SYCP2: variants seen among roughly 807,000 people sequenced by gnomAD.
The protein encoded by SYCP2 is synaptonemal complex lateral element protein.
A neutral mutation model predicts 211.3 loss-of-function variants in SYCP2; 55 were observed. The ratio of observed to expected loss-of-function variants is 0.26; its 90% CI spans 0.21 to 0.33. The LOEUF (loss-of-function observed/expected upper bound fraction) is 0.33. Ranked by LOEUF, SYCP2 falls within the 10% of genes least tolerant of loss-of-function variation. The pLI is 1.00. For synonymous variants in SYCP2, 570 were observed against 555.2 expected, an observed-to-expected ratio of 1.03 and a Z score of -0.37; for missense variants, 1,731 against 1,752.0, an observed-to-expected ratio of 0.99 and a Z score of 0.21.
At chr20:59,881,850 G>A in intron 28 of SYCP2, 95 bp downstream of exon 28, 2 of 917,120 alleles carry the variant, frequency 2.2e-6, no homozygotes, top group Non-Finnish European at 3.4e-6. Flanking sequence ...TAAAGCATAT[G>A]AGGATGCACA....
intron 15 of SYCP2, among the ~76,000 whole-genome samples, chr20:59,903,159 ATATTT>A (rs143922555): frequency 0.026 from 3,913 of 152,184 alleles, 172 homozygotes; most frequent in African/African-American, 0.087. Flanking sequence ...AATATTTGTT[ATATTT>A]TAATGATTGC....
intron 2 of SYCP2, among the ~76,000 whole-genome samples, chr20:59,930,711 T>C (rs965034179): frequency 1.6e-4 from 24 of 151,372 alleles, no homozygotes; most frequent in Non-Finnish European, 2.1e-4. Context: ...AATAAATGTA[T>C]TGTTATAATA....
intron 15 of SYCP2, among the ~76,000 whole-genome samples, chr20:59,906,852 A>G (rs978675338): frequency 2.0e-5 from 3 of 152,204 alleles, no homozygotes; most frequent in Non-Finnish European, 4.4e-5. Context: ...TAAAATATAT[A>G]CTTTACAAAG....
At chr20:59,873,811 C>T (rs746109105) in intron 35 of SYCP2, 45 bp downstream of exon 35, 1 of 1,453,992 alleles carries the variant, frequency 6.9e-7, no homozygotes, top group Non-Finnish European at 9.3e-7. Context: ...AACTTACTAC[C>T]TTCAGATATA....
In SYCP2 at chr20:59,900,204, T is replaced by C; in HGVS notation, c.1338A>G (p.Glu446=). Residue 446 remains glutamate, a synonymous_variant, in exon 18 of 45, where the codon GAA becomes GAG. Transcript: ENST00000357552. ...SLKEKSKSPK[E]FAKPSKYIKN... is the part of the protein sequence containing the mutation. ...TGATATATTTTGAAGGTTTAGCAAA[T>C]TCCTTTGGGGACTTTGATTTTTCCT... 1 of 1,613,136 alleles carries C rather than the reference T, an allele frequency of 6.2e-7. No homozygotes were observed. Among genetic ancestry groups the C allele is most frequent in the Non-Finnish European group, 8.5e-7 (1 of 1,179,468 alleles).
At chr20:59,884,001 TAAAAA>T (rs964481478) in intron 26 of SYCP2, among the ~76,000 whole-genome samples, 4 of 151,884 alleles carry the variant, frequency 2.6e-5, no homozygotes, top group African/African-American at 7.3e-5. Context: ...ATACATACAA[TAAAAA>T]AACACTTCTT....
chr20:59,887,442 G>A (rs559112668), intron 24 of SYCP2, among the ~76,000 whole-genome samples: 1 of 152,212 alleles, frequency 6.6e-6, no homozygotes, highest in East Asian at 1.9e-4. Flanking sequence ...ATCGTGAATA[G>A]TGCCACAATG....
At chr20:59,919,423 A>C in intron 6 of SYCP2, 70 bp downstream of exon 6, 1 of 1,194,804 alleles carries the variant, frequency 8.4e-7, no homozygotes, top group Non-Finnish European at 1.2e-6. Context: ...CTCAGGGCAC[A>C]GAGAACACAA....
Position 59,874,046 on chromosome 20 carries a change from G to A in SYCP2, c.3365C>T (p.Thr1122Ile). The change falls in exon 35 of 45, where the codon ACA becomes ATA. Residue 1122 changes from threonine (T) to isoleucine (I), a missense_variant. By Grantham distance (89) the Thr-to-Ile change is moderately conservative. Around this residue, in one of 3 missense-constraint regions of SYCP2, gnomAD observed 1,387 missense variants for 1,351.3 expected, o/e 1.03. Transcript: ENST00000357552. ...ATAATCCTGAGTAAAATCCTTTTCT[G>A]TTATTTTCTCTATACCTATATTGCA... Reference protein sequence around the residue: ...IEVTRCIEKITEKDFTQDYDC... With the variant: ...IEVTRCIEKIIEKDFTQDYDC... The A allele has an allele frequency of 6.3e-7, 1 of 1,596,046 alleles. No individual in the cohort carries two copies. Among genetic ancestry groups the A allele is most frequent in the Non-Finnish European group, 8.5e-7 (1 of 1,170,962 alleles).
chr20:59,899,126 C>T (rs1450743246), intron 18 of SYCP2, among the ~76,000 whole-genome samples: 2 of 152,026 alleles, frequency 1.3e-5, no homozygotes, highest in East Asian at 1.9e-4. Flanking sequence ...TACGAGGAGG[C>T]TACTGTATTA....
chr20:59,884,401 A>C (rs2059746197), intron 26 of SYCP2, among the ~76,000 whole-genome samples: 1 of 152,080 alleles, frequency 6.6e-6, no homozygotes, highest in Non-Finnish European at 1.5e-5. Flanking sequence ...AAAGAAGTTA[A>C]ATAACATTTA....
At chr20:59,892,777 C>G in intron 22 of SYCP2, 76 bp from the exon 23 acceptor site, 2 of 1,371,430 alleles carry the variant, frequency 1.5e-6, no homozygotes, top group Admixed American at 2.5e-5. Flanking sequence ...TTAATGTAGT[C>G]AACGTTTACT....
At position 59,912,525 on chromosome 20, in the gene SYCP2, A is replaced by G. The variant is rs755744478; in HGVS notation, c.831-107T>C. On this transcript the variant is annotated intron_variant, in intron 12 of 44. Coordinates refer to ENST00000357552, the MANE Select transcript of SYCP2 (RefSeq NM_014258.4). ...ATCAAAAGGAAATCAGGCAGTGGTC[A>G]TAATAATTGAAATAAAATCATATTT... 5 of 454,378 alleles carry G rather than the reference A, an allele frequency of 1.1e-5. No individual in the cohort carries two copies. In the Admixed American group the frequency reaches 1.8e-4, roughly 17 times the overall value. The allele number at this position is 454,378 out of a possible 1,614,324, so 28.1% of individuals were successfully genotyped here. A position where few individuals can be genotyped will look rare whatever the true frequency, so the allele number is the denominator to read the frequency against.
chr20:59,899,947 T>A (rs2060083397), intron 18 of SYCP2, 191 bp downstream of exon 18: 2 of 618,134 alleles, frequency 3.2e-6, no homozygotes, highest in South Asian at 4.0e-5. Context: ...CTAACCCCTA[T>A]ACATGTACAC....
intron 36 of SYCP2, among the ~76,000 whole-genome samples, chr20:59,869,255 T>C (rs1476134933): frequency 1.3e-5 from 2 of 151,736 alleles, no homozygotes; most frequent in African/African-American, 2.4e-5. Flanking sequence ...TCAAACCACA[T>C]CTTTCACATC....
chr20:59,894,204 G>T (rs2059963216), intron 20 of SYCP2, among the ~76,000 whole-genome samples: 1 of 151,904 alleles, frequency 6.6e-6, no homozygotes, highest in Non-Finnish European at 1.5e-5. Flanking sequence ...CATCCTGGCT[G>T]CCTTTCCTTC....
rs1377930852 is a variant in SYCP2, at chr20:59,892,278, T to C, written c.2076A>G (p.Lys692=). Residue 692 remains lysine, a synonymous_variant, in exon 24 of 45, where the codon AAA becomes AAG. Coordinates refer to ENST00000357552, the MANE Select transcript of SYCP2 (RefSeq NM_014258.4). The part of the protein sequence containing the change: ...IDKAEVEVCK[K]HNQQQNHPKY... ...TAGGATGATTTTGTTGCTGATTGTG[T>C]TTCTTGCAAACTTCTACTTCTGCTT... 6.2e-6 allele frequency: 10 copies of C among 1,612,608 alleles called. No individual in the cohort carries two copies. The highest frequency in any genetic ancestry group is 8.5e-6 in the Non-Finnish European group (10 of 1,179,162).
rs747081797 is a variant in SYCP2 at position 59,880,476 on chromosome 20, A to T, written c.2773-5T>A. On this transcript the variant is annotated splice_polypyrimidine_tract_variant and splice_region_variant and intron_variant, in intron 30 of 44. Transcript: ENST00000357552. ...CTTTTGATGATTTGTTATAATCTAT[A>T]AAAAAAAGTTTGAAATGCATGAAGA... 20 of 1,505,450 alleles carry T rather than the reference A, an allele frequency of 1.3e-5. No homozygotes were observed. Among genetic ancestry groups the T allele is most frequent in the East Asian group, 2.4e-5 (1 of 42,370 alleles). 93.3% of individuals were successfully genotyped at this position (1,505,450 alleles called of 1,614,324 possible).
intron 33 of SYCP2, among the ~76,000 whole-genome samples, chr20:59,877,076 A>C (rs1006429931): frequency 5.9e-5 from 9 of 152,166 alleles, no homozygotes; most frequent in Non-Finnish European, 1.3e-4. Context: ...ACAGACACAC[A>C]GCTTCTCCAT....
Sources: gnomAD v4.1 joint callset for allele counts (sites outside exome capture counted in the v4.1 genomes callset) on GRCh38, gnomAD v4.1.1 for gene constraint, gnomAD v4.1.1 regional missense constraint, MANE v1.5 for transcripts, NCBI Gene and HGNC (gene_info 2026-07-23, HGNC 2026-07-21) for gene names.